SLC20A1: variants seen among roughly 807,000 people sequenced by gnomAD.
SLC20A1 encodes solute carrier family 20 member 1, also known as sodium-dependent phosphate transporter 1.
SLC20A1 carries 28 observed loss-of-function variants against 62.7 expected under a neutral mutation model. That is an observed-to-expected ratio of 0.45 (90% CI 0.33 to 0.61). The LOEUF is 0.61. Among genes scored for constraint, SLC20A1 ranks in the 20% least tolerant of loss-of-function variants. The probability of loss-of-function intolerance (pLI) is 0.02; values close to 1 mark genes in which losing one functional copy is unlikely to be tolerated. For missense variants in SLC20A1, 673 were observed against 838.6 expected, an observed-to-expected ratio of 0.80 and a Z score of 2.44; for synonymous variants, 305 against 302.9, an observed-to-expected ratio of 1.01 and a Z score of -0.07.
At chr2:112,646,263 C>T (rs1456968844) in intron 1 of SLC20A1, 134 bp downstream of exon 1, 1 of 152,032 alleles carries the variant, frequency 6.6e-6, no homozygotes, top group Non-Finnish European at 1.5e-5. Flanking sequence ...TCCACTCCGC[C>T]CGTCTGCCCG....
intron 4 of SLC20A1, chr2:112,652,435 G>A (rs543956783): frequency 4.0e-6 from 2 of 496,032 alleles, no homozygotes; most frequent in East Asian, 3.5e-5. Context: ...TGTGGGTATT[G>A]CAATCTTTAT....
chr2:112,663,086 C>G lies in SLC20A1; in HGVS notation c.*61C>G. 6.4e-7 allele frequency: 1 copy of G among 1,560,410 alleles called. No individual in the cohort carries two copies. Among genetic ancestry groups the G allele is most frequent in the South Asian group, 1.1e-5 (1 of 89,376 alleles). ...GACCATCTTAGGTATTCCTGCTCCCCTGAAGAATGATTACAGTGTTAACAG... is the reference window on the plus strand; with the variant it reads ...GACCATCTTAGGTATTCCTGCTCCCGTGAAGAATGATTACAGTGTTAACAG... On this transcript the variant is annotated 3_prime_UTR_variant, in exon 11 of 11. Transcript: ENST00000272542.
At chr2:112,661,314 A>T in intron 10 of SLC20A1, 88 bp downstream of exon 10, 1 of 1,032,922 alleles carries the variant, frequency 9.7e-7, no homozygotes, top group South Asian at 1.3e-5. Flanking sequence ...TTGATTTAGA[A>T]AGTTTTGTGC....
At chr2:112,660,968 C>A in intron 9 of SLC20A1, 174 bp from the exon 10 acceptor site, 1 of 496,244 alleles carries the variant, frequency 2.0e-6, no homozygotes, top group Non-Finnish European at 3.6e-6. Context: ...GGAAACTGGG[C>A]ATCTGTGGCC....
chr2:112,648,531 T>C (rs1016327735), intron 4 of SLC20A1, among the ~76,000 whole-genome samples: 1 of 152,184 alleles, frequency 6.6e-6, no homozygotes, highest in Non-Finnish European at 1.5e-5. Context: ...ACTGTAGAAA[T>C]CTGAGGGAGA....
intron 4 of SLC20A1, among the ~76,000 whole-genome samples, chr2:112,650,629 CTTTTT>C (rs373260777): frequency 6.9e-6 from 1 of 145,804 alleles, no homozygotes; most frequent in African/African-American, 2.5e-5. Flanking sequence ...CTGCACCTGG[CTTTTT>C]TTTTTTCTTA....
Position 112,647,170 on chromosome 2 carries a change from C to A in SLC20A1, c.334+8C>A. The A allele has an allele frequency of 1.2e-6, 2 of 1,607,858 alleles. No individual in the cohort carries two copies. Among genetic ancestry groups the A allele is most frequent in the Non-Finnish European group, 1.7e-6 (2 of 1,175,468 alleles). ...CAGTCAGTGCTATGTTTGGTAAGTT[C>A]TTTTTATGTTTTGTCCTCTTCGTGG... On this transcript the variant is annotated splice_region_variant and intron_variant, in intron 2 of 10. Transcript: ENST00000272542.
intron 10 of SLC20A1, among the ~76,000 whole-genome samples, chr2:112,661,829 G>A (rs1368287006): frequency 1.3e-5 from 2 of 152,106 alleles, no homozygotes; most frequent in Non-Finnish European, 2.9e-5. Flanking sequence ...GATTACATGC[G>A]TGAGCCACCG....
At position 112,645,948 on chromosome 2, in the gene SLC20A1, G is replaced by C. The variant is rs1407740869; in HGVS notation, c.-448G>C. The C allele has an allele frequency of 1.3e-5, 2 of 152,248 alleles. No individual in the cohort carries two copies. Among genetic ancestry groups the C allele is most frequent in the Non-Finnish European group, 2.9e-5 (2 of 68,126 alleles). The allele number at this position is 152,248 out of a possible 1,614,324, so 9.4% of individuals were successfully genotyped here. On this transcript the variant is annotated 5_prime_UTR_variant, in exon 1 of 11. Coordinates refer to ENST00000272542, the MANE Select transcript of SLC20A1 (RefSeq NM_005415.5). The stretch of plus-strand genomic sequence containing the variant: ...GGCGGGGTGCTCCGCTGGAGTGATG[G>C]CTGCCGGCGCTCTCTGCGTGGTTCT...
chr2:112,654,524 T>C (rs1686531316), intron 5 of SLC20A1, among the ~76,000 whole-genome samples: 1 of 152,244 alleles, frequency 6.6e-6, no homozygotes, highest in Non-Finnish European at 1.5e-5. Context: ...AGTAATTTCA[T>C]GTATATTTTA....
chr2:112,651,324 C>G (rs185870781), intron 4 of SLC20A1, among the ~76,000 whole-genome samples: 3 of 152,118 alleles, frequency 2.0e-5, no homozygotes, highest in Non-Finnish European at 4.4e-5. Context: ...GAATTGTGAT[C>G]AAGATAACAT....
chr2:112,652,690 G>T lies in SLC20A1; in HGVS notation c.562-12G>T, dbSNP rs1386802320. On this transcript the variant is annotated splice_polypyrimidine_tract_variant and intron_variant, in intron 4 of 10. Coordinates refer to ENST00000272542, the MANE Select transcript of SLC20A1 (RefSeq NM_005415.5). ...TACCTTTTAAGATATTGATCTTAAT[G>T]ATGTTTTACAGGCAGATCCAGTTCC... 3 of 1,605,338 alleles carry T rather than the reference G, an allele frequency of 1.9e-6. No individual in the cohort carries two copies. The East Asian group carries it at 6.7e-5, about 36-fold the overall frequency.
chr2:112,655,926 C>T (rs1686572469), intron 5 of SLC20A1, among the ~76,000 whole-genome samples: 1 of 152,076 alleles, frequency 6.6e-6, no homozygotes, highest in South Asian at 2.1e-4. Flanking sequence ...GTCTTGAACT[C>T]GTGACCTCAG....
At chr2:112,655,641 C>A (rs144371219) in intron 5 of SLC20A1, among the ~76,000 whole-genome samples, 8 of 151,296 alleles carry the variant, frequency 5.3e-5, no homozygotes, top group African/African-American at 1.9e-4. Context: ...TCCTGAGTAG[C>A]TAGAGATCAT....
chr2:112,650,710 A>G (rs1686410981), intron 4 of SLC20A1, among the ~76,000 whole-genome samples: 1 of 143,188 alleles, frequency 7.0e-6, no homozygotes. Context: ...TGCAGCCTTG[A>G]CCTCCCAGGC....
chr2:112,648,641 C>A (rs926562213), intron 4 of SLC20A1, among the ~76,000 whole-genome samples: 1 of 152,238 alleles, frequency 6.6e-6, no homozygotes, highest in Admixed American at 6.5e-5. Context: ...TGTAGAAATT[C>A]TATGACTAGT....
intron 9 of SLC20A1, 58 bp downstream of exon 9, chr2:112,660,630 C>T: frequency 7.0e-7 from 1 of 1,436,006 alleles, no homozygotes; most frequent in Non-Finnish European, 9.5e-7. Flanking sequence ...AGAGATATAA[C>T]ACTGTCGAGT....
rs1408922286 is a variant in SLC20A1, at chr2:112,647,480, A to G, written c.475+16A>G. On this transcript the variant is annotated intron_variant, in intron 3 of 10. Transcript: ENST00000272542. Reference sequence around the variant, plus strand: ...ATAAAAATTGGTATGTTTAATTCCAAACGGCTTCTTAATTTTCGTTTTCGT... The same window carrying G: ...ATAAAAATTGGTATGTTTAATTCCAGACGGCTTCTTAATTTTCGTTTTCGT... The G allele has an allele frequency of 2.5e-6, 4 of 1,605,056 alleles. No individual in the cohort carries two copies. In the South Asian group the frequency reaches 4.5e-5, roughly 18 times the overall value.
At chr2:112,652,627 C>T in intron 4 of SLC20A1, 75 bp from the exon 5 acceptor site, 1 of 1,187,598 alleles carries the variant, frequency 8.4e-7, no homozygotes, top group Non-Finnish European at 1.3e-6. Flanking sequence ...CCCAAACCTA[C>T]CCTGTTAAAA....
Sources: allele counts gnomAD v4.1 joint callset (sites outside exome capture counted in the v4.1 genomes callset), GRCh38; gene constraint gnomAD v4.1.1; transcripts MANE v1.5; gene names NCBI Gene and HGNC (gene_info 2026-07-23, HGNC 2026-07-21).